TUB: variants seen among roughly 807,000 people sequenced by gnomAD.
TUB encodes the protein tubby protein homolog.
TUB carries 33 observed loss-of-function variants against 59.7 expected under a neutral mutation model. That is an observed-to-expected ratio of 0.55 (90% CI 0.42 to 0.74). TUB has a LOEUF of 0.74. Among genes scored for constraint, TUB ranks in the 30% least tolerant of loss-of-function variants. The pLI is 0.00. For synonymous variants in TUB, 293 were observed against 256.4 expected (o/e 1.14, Z -1.36); for missense variants, 659 against 672.0 (o/e 0.98, Z 0.21).
At chr11:8,056,296 T>C (rs1943020380) in intron 2 of TUB, among the ~76,000 whole-genome samples, 1 of 151,972 alleles carries the variant, frequency 6.6e-6, no homozygotes, top group Non-Finnish European at 1.5e-5. Flanking sequence ...CTGGCTGGGG[T>C]CTCCTGTCCT....
chr11:8,034,523 A>G (rs1167297805), upstream of TUB, among the ~76,000 whole-genome samples: 1 of 152,158 alleles, frequency 6.6e-6, no homozygotes, highest in Non-Finnish European at 1.5e-5. Context: ...TCCCTGCCTA[A>G]AACAGGCTCC....
intron 1 of TUB, among the ~76,000 whole-genome samples, chr11:8,028,318 G>A (rs960139328): frequency 1.4e-4 from 21 of 152,162 alleles, no homozygotes; most frequent in African/African-American, 5.1e-4. Context: ...AGTTATAGGA[G>A]TTCTTTACAT....
At chr11:8,065,154 A>C (rs1943213525) in intron 2 of TUB, among the ~76,000 whole-genome samples, 1 of 152,188 alleles carries the variant, frequency 6.6e-6, no homozygotes, top group Admixed American at 6.5e-5. Flanking sequence ...CTGTCTACAG[A>C]GGCCAAGCCA....
In TUB at chr11:8,049,561, G is replaced by GTA. The variant is rs372881525; in HGVS notation, c.203+9888_203+9889dup. On this transcript the variant is annotated intron_variant, in intron 2 of 12. Transcript: ENST00000305253. ...TTTAGAACCATGGTGGTATTATGTG[G>GTA]TATATATATATATATATATAGATAG... is the stretch of plus-strand genomic sequence containing the variant. Among the ~76,000 whole-genome samples the GTA allele has an allele frequency of 4.3e-3, 540 of 124,222 alleles. 4 individuals carry two copies. Among genetic ancestry groups the GTA allele is most frequent in the African/African-American group, 0.011 (343 of 31,326 alleles). 81.5% of individuals were successfully genotyped at this position (124,222 alleles called of 152,430 possible). A position where few individuals can be genotyped will look rare whatever the true frequency, so the allele number is the denominator to read the frequency against.
Position 8,099,776 on chromosome 11 carries a change from T to G in TUB, c.1117-727T>G, listed in dbSNP as rs146222575. ...AATGGCAGGGAGGGCGTCACTGAGGTAGCTCTTGAGTAAAGACCAGAAGGA... is the reference window on the plus strand; with the variant it reads ...AATGGCAGGGAGGGCGTCACTGAGGGAGCTCTTGAGTAAAGACCAGAAGGA... On this transcript the variant is annotated intron_variant, in intron 9 of 11. Transcript: ENST00000299506. Among the ~76,000 whole-genome samples the G allele has an allele frequency of 2.3e-3, 357 of 152,154 alleles. 3 individuals carry two copies. Among genetic ancestry groups the G allele is most frequent in the East Asian group, 0.011 (56 of 5,164 alleles).
upstream of TUB, among the ~76,000 whole-genome samples, chr11:8,034,989 G>C (rs114917093): frequency 1.8e-4 from 28 of 152,172 alleles, no homozygotes; most frequent in Non-Finnish European, 1.0e-4. Flanking sequence ...CATGTCTCCC[G>C]GCTCCTTGTC....
intron 2 of TUB, among the ~76,000 whole-genome samples, chr11:8,043,811 A>T (rs1304870951): frequency 6.6e-6 from 1 of 152,158 alleles, no homozygotes; most frequent in Non-Finnish European, 1.5e-5. Context: ...TTTAGTGGAT[A>T]ACTTAGATTT....
At chr11:8,058,007 C>T (rs371302860) in intron 2 of TUB, among the ~76,000 whole-genome samples, 3 of 151,838 alleles carry the variant, frequency 2.0e-5, no homozygotes, top group East Asian at 1.9e-4. Flanking sequence ...GCCAGGAGTT[C>T]GAGACCAGCC....
In TUB at chr11:8,100,960, C is replaced by T; in HGVS notation, c.1350C>T (p.Ala450=). 1 of 1,614,160 alleles carries T rather than the reference C, an allele frequency of 6.2e-7. No homozygotes were observed. The highest frequency in any genetic ancestry group is 2.2e-5 in the East Asian group (1 of 44,880). The change falls in exon 11 of 12, where the codon GCC becomes GCT. Residue 450 remains alanine (A), a synonymous_variant. Coordinates refer to ENST00000299506, the MANE Select transcript of TUB (RefSeq NM_177972.3). ...VLNFHGRVTQ[A]SVKNFQIIHG... ...ACTTCCATGGGCGCGTCACACAGGC[C>T]TCCGTGAAGAACTTCCAGATCATCC...
At chr11:8,057,193 G>A (rs971381326) in intron 2 of TUB, among the ~76,000 whole-genome samples, 4 of 152,076 alleles carry the variant, frequency 2.6e-5, no homozygotes, top group African/African-American at 9.7e-5. Context: ...CATGAGAATC[G>A]ATTGCGCAAT....
At chr11:8,095,967 C>T (rs189607138) in intron 5 of TUB, among the ~76,000 whole-genome samples, 196 of 152,314 alleles carry the variant, frequency 1.3e-3, no homozygotes, top group African/African-American at 4.3e-3. Context: ...TACCAAGAGA[C>T]GGGGTAGATC....
chr11:8,098,732 C>G (rs752387368), intron 8 of TUB, 26 bp from the exon 9 acceptor site: 6 of 1,554,286 alleles, frequency 3.9e-6, no homozygotes, highest in Non-Finnish European at 5.3e-6. Context: ...GTGCATGACT[C>G]TATACTGATT....
chr11:8,081,557 G>T lies in TUB; in HGVS notation c.38+9G>T, dbSNP rs11041733. 863,479 of 1,528,066 alleles carry T rather than the reference G, an allele frequency of 0.57. 248,693 individuals carry two copies. Among genetic ancestry groups the T allele is most frequent in the Middle Eastern group, 0.65 (3,725 of 5,774 alleles). The allele number at this position is 1,528,066 out of a possible 1,614,324, so 94.7% of individuals were successfully genotyped here. On this transcript the variant is annotated intron_variant, in intron 1 of 11. Transcript: ENST00000299506. ...GACTGGATTCCCTACAGGTACGCGG[G>T]CGCCGGGCCGGGGCGCCCACCACTC... is the stretch of plus-strand genomic sequence containing the variant.
chr11:8,101,175 T>G (rs1448047975), intron 11 of TUB, among the ~76,000 whole-genome samples, 178 bp downstream of exon 11: 1 of 152,132 alleles, frequency 6.6e-6, no homozygotes, highest in Admixed American at 6.5e-5. Flanking sequence ...GGAAGAACCT[T>G]CTTTGCAGCC....
In TUB at chr11:8,081,248, G is replaced by T; in HGVS notation, c.-263G>T. The stretch of plus-strand genomic sequence containing the variant: ...GCGCCAGAGGGGCGCGGGACGGTGC[G>T]GTCGGCCTCCCCGCCTCCACGCGCG... On this transcript the variant is annotated 5_prime_UTR_variant, in exon 1 of 12. Coordinates refer to ENST00000299506, the MANE Select transcript of TUB (RefSeq NM_177972.3). The T allele has an allele frequency of 2.4e-6, 1 of 420,792 alleles. No individual in the cohort carries two copies. Among genetic ancestry groups the T allele is most frequent in the Non-Finnish European group, 3.2e-6 (1 of 314,068 alleles). The allele number at this position is 420,792 out of a possible 1,614,324, so 26.1% of individuals were successfully genotyped here.
intron 2 of TUB, among the ~76,000 whole-genome samples, chr11:8,040,983 C>A (rs1176975613): frequency 1.3e-5 from 2 of 152,206 alleles, no homozygotes; most frequent in African/African-American, 4.8e-5. Context: ...AGAATTAGAA[C>A]GCAGGCCACC....
At chr11:8,090,467 A>G (rs1344744540) in intron 3 of TUB, among the ~76,000 whole-genome samples, 1 of 152,192 alleles carries the variant, frequency 6.6e-6, no homozygotes, top group Non-Finnish European at 1.5e-5. Context: ...AGAAGCCTAA[A>G]CCTTTTATGA....
chr11:8,067,906 C>A (rs1005543251), intron 2 of TUB: 1 of 152,318 alleles, frequency 6.6e-6, no homozygotes, highest in Admixed American at 6.5e-5. Context: ...TAGTAACTCA[C>A]AATGCCCAAC....
At chr11:8,067,073 C>T (rs1481585566) in intron 2 of TUB, among the ~76,000 whole-genome samples, 1 of 152,190 alleles carries the variant, frequency 6.6e-6, no homozygotes, top group Non-Finnish European at 1.5e-5. Context: ...GATCTGCTCC[C>T]ATTCCTCCAC....
Sources: allele counts gnomAD v4.1 joint callset (sites outside exome capture counted in the v4.1 genomes callset), GRCh38; gene constraint gnomAD v4.1.1; transcripts MANE v1.5; gene names NCBI Gene and HGNC (gene_info 2026-07-23, HGNC 2026-07-21).